The following RTL4 variants were observed in gnomAD, a reference collection of about 807,000 sequenced individuals.
RTL4 encodes the protein retrotransposon Gag-like protein 4.
Under a neutral mutation model 5.3 loss-of-function variants are expected in RTL4, and 4 were observed. The observed-to-expected ratio is 0.75, with a 90% confidence interval of 0.37 to 1.72. The LOEUF (loss-of-function observed/expected upper bound fraction) is 1.72, where lower values mean the gene tolerates loss of function less well. RTL4 is among the 40% of genes most tolerant of loss of function. The probability of loss-of-function intolerance (pLI) is 0.04; values close to 1 mark genes in which losing one functional copy is unlikely to be tolerated. For synonymous variants in RTL4, 98 were observed against 87.3 expected (o/e 1.12, Z -0.68); for missense variants, 260 against 227.1 (o/e 1.14, Z -0.93).
At chrX:112,361,606 C>T in the RTL4 span, among the ~76,000 whole-genome samples, 1 of 110,917 alleles carries the variant, frequency 9.0e-6, no homozygotes, top group Non-Finnish European at 1.9e-5. Flanking sequence ...CTCCTCCCCT[C>T]TGCAATGCAA....
the RTL4 span, among the ~76,000 whole-genome samples, chrX:112,089,013 A>G: frequency 9.0e-6 from 1 of 111,631 alleles, no homozygotes; most frequent in African/African-American, 3.3e-5. Flanking sequence ...CTCATTCTCT[A>G]GGTTGTCTTT....
chrX:112,377,877 C>A, the RTL4 span, among the ~76,000 whole-genome samples: 1 of 111,924 alleles, frequency 8.9e-6, no homozygotes, highest in Non-Finnish European at 1.9e-5. Flanking sequence ...CAAGGTCATG[C>A]CACCTGAAGT....
At chrX:112,445,957 C>G in the RTL4 span, among the ~76,000 whole-genome samples, 2 of 111,900 alleles carry the variant, frequency 1.8e-5, no homozygotes, top group East Asian at 5.6e-4. Context: ...GTATCTGTCC[C>G]AATGTCAAGG....
chrX:112,339,184 G>A, the RTL4 span, among the ~76,000 whole-genome samples: 1 of 112,161 alleles, frequency 8.9e-6, no homozygotes, highest in Non-Finnish European at 1.9e-5. Context: ...AAAGAGTTCT[G>A]TTGGTTGAAG....
chrX:112,381,754 A>G, the RTL4 span: 16 of 1,198,378 alleles, frequency 1.3e-5, no homozygotes, highest in East Asian at 2.1e-4. Flanking sequence ...AGAAAGAAAT[A>G]CAGACATTAC....
the RTL4 span, among the ~76,000 whole-genome samples, chrX:112,331,264 A>G: frequency 9.2e-6 from 1 of 108,188 alleles, no homozygotes; most frequent in Non-Finnish European, 1.9e-5. Flanking sequence ...CTCAACTGAC[A>G]AAGGGCTAAT....
chrX:112,115,208 T>G, the RTL4 span, among the ~76,000 whole-genome samples: 908 of 111,062 alleles, frequency 8.2e-3, 5 homozygotes, highest in African/African-American at 0.028. Context: ...CAGAAACCCC[T>G]CTCCGCTTAG....
At chrX:112,421,553 A>T in the RTL4 span, among the ~76,000 whole-genome samples, 6 of 111,733 alleles carry the variant, frequency 5.4e-5, no homozygotes, top group Non-Finnish European at 1.1e-4. Flanking sequence ...TCACTGAAAC[A>T]TTTACTACAC....
the RTL4 span, among the ~76,000 whole-genome samples, chrX:112,246,361 T>C: frequency 3.6e-5 from 4 of 111,448 alleles, no homozygotes; most frequent in South Asian, 3.9e-4. Flanking sequence ...CATTGAGCCG[T>C]GTTGGTCTCC....
At chrX:112,240,179 G>T in the RTL4 span, among the ~76,000 whole-genome samples, 3 of 111,621 alleles carry the variant, frequency 2.7e-5, no homozygotes, top group African/African-American at 9.8e-5. Context: ...AAAATCAAAA[G>T]CTCCCTGGCC....
chrX:112,149,119 C>G, the RTL4 span, among the ~76,000 whole-genome samples: 1 of 111,633 alleles, frequency 9.0e-6, no homozygotes, highest in South Asian at 3.7e-4. Context: ...ATTACTTTAG[C>G]TTAGTGTATA....
the RTL4 span, among the ~76,000 whole-genome samples, chrX:112,368,223 G>A: frequency 3.6e-5 from 4 of 111,479 alleles, no homozygotes; most frequent in Admixed American, 2.9e-4. Flanking sequence ...ATGATAGCCT[G>A]GTCTAAGACA....
the RTL4 span, among the ~76,000 whole-genome samples, chrX:112,248,996 C>T: frequency 8.9e-6 from 1 of 112,281 alleles, no homozygotes; most frequent in Non-Finnish European, 1.9e-5. Flanking sequence ...TTTTAAAGTC[C>T]TGGGAGCATC....
At chrX:112,274,900 T>C in the RTL4 span, among the ~76,000 whole-genome samples, 1 of 111,877 alleles carries the variant, frequency 8.9e-6, no homozygotes, top group Admixed American at 9.5e-5. Context: ...GCAGAGTACA[T>C]GTCATGAGCT....
At chrX:112,379,457 T>A in the RTL4 span, among the ~76,000 whole-genome samples, 14 of 112,593 alleles carry the variant, frequency 1.2e-4, no homozygotes, top group African/African-American at 4.5e-4. Flanking sequence ...ATGTTGTTCA[T>A]GAATAATGAT....
chrX:112,200,291 T>C, the RTL4 span, among the ~76,000 whole-genome samples: 19,885 of 111,126 alleles, frequency 0.18, 1,341 homozygotes, highest in Non-Finnish European at 0.2. Flanking sequence ...TTCTACTTTC[T>C]CACACATATC....
chrX:112,187,066 C>T, the RTL4 span, among the ~76,000 whole-genome samples: 14 of 111,933 alleles, frequency 1.3e-4, no homozygotes, highest in Non-Finnish European at 2.6e-4. Flanking sequence ...CTCTTACAGC[C>T]ACAGCTATGG....
the RTL4 span, among the ~76,000 whole-genome samples, chrX:112,354,068 G>A: frequency 8.1e-5 from 9 of 111,144 alleles, no homozygotes; most frequent in Middle Eastern, 4.7e-3. Flanking sequence ...TTCCTAAATA[G>A]GACAATAGAC....
chrX:112,456,526 A>T, exon 1 of RTL4: 1 of 300,118 alleles, frequency 3.3e-6, no homozygotes, highest in Non-Finnish European at 6.1e-6. Flanking sequence ...AGGATTTCTG[A>T]AAGGTATTTA....
Sources: gnomAD v4.1 joint callset for allele counts (sites outside exome capture counted in the v4.1 genomes callset) on GRCh38, gnomAD v4.1.1 for gene constraint, MANE v1.5 for transcripts, NCBI Gene and HGNC (gene_info 2026-07-23, HGNC 2026-07-21) for gene names.